Variants in MAGI2 observed in about 807,000 individuals in gnomAD.
MAGI2 encodes the protein membrane-associated guanylate kinase, WW and PDZ domain-containing protein 2.
In MAGI2, 35 loss-of-function variants were observed where a neutral mutation model predicts 133.3. That is an observed-to-expected ratio of 0.26 (90% CI 0.20 to 0.35). MAGI2 has a LOEUF of 0.35. Among genes scored for constraint, MAGI2 ranks in the 10% least tolerant of loss-of-function variants. MAGI2 has a pLI of 1.00. For synonymous variants in MAGI2, 729 were observed against 710.6 expected (o/e 1.03, Z -0.41); for missense variants, 1,636 against 1,863.4 (o/e 0.88, Z 2.25).
intron 20 of MAGI2, among the ~76,000 whole-genome samples, chr7:78,087,417 A>G (rs1816754679): frequency 6.6e-6 from 1 of 152,228 alleles, no homozygotes; most frequent in African/African-American, 2.4e-5. Context: ...TGTAATCTCT[A>G]AATATACAAA....
rs544655465 is a variant in MAGI2, at chr7:78,536,103, C to CTTTTTTTTTTTTTT, written c.539-14472_539-14459dup. The stretch of plus-strand genomic sequence containing the variant: ...TACAGCTGGCTCTGTATGAATTAAA[C>CTTTTTTTTTTTTTT]TTTTTTTTTTTTTTTTTTTTTTTTT... On this transcript the variant is annotated intron_variant, in intron 3 of 21. Transcript: ENST00000354212. Among the ~76,000 whole-genome samples the CTTTTTTTTTTTTTT allele has an allele frequency of 1.2e-4, 7 of 59,938 alleles. 2 individuals carry two copies. The highest frequency in any genetic ancestry group is 3.0e-4 in the African/African-American group (4 of 13,224). 39.3% of individuals were successfully genotyped at this position (59,938 alleles called of 152,430 possible). A position where few individuals can be genotyped will look rare whatever the true frequency, so the allele number is the denominator to read the frequency against.
chr7:79,388,942 T>C (rs750174589), intron 1 of MAGI2, among the ~76,000 whole-genome samples: 20 of 151,818 alleles, frequency 1.3e-4, no homozygotes, highest in Non-Finnish European at 2.8e-4. Flanking sequence ...AAAATAAGTA[T>C]ATAACCTTTC....
intron 10 of MAGI2, among the ~76,000 whole-genome samples, chr7:78,224,642 G>A (rs1789176220): frequency 8.6e-5 from 13 of 151,934 alleles, no homozygotes; most frequent in Admixed American, 8.5e-4. Flanking sequence ...TTCCAGCCTG[G>A]GCAACAGAGT....
At chr7:78,570,029 A>C (rs1407500109) in intron 3 of MAGI2, among the ~76,000 whole-genome samples, 1 of 152,096 alleles carries the variant, frequency 6.6e-6, no homozygotes, top group African/African-American at 2.4e-5. Context: ...CACTGTTTTT[A>C]ATTCTTTTGT....
intron 13 of MAGI2, among the ~76,000 whole-genome samples, chr7:78,185,094 A>G (rs1827559768): frequency 6.6e-6 from 1 of 152,234 alleles, no homozygotes. Flanking sequence ...CACATTTTAG[A>G]AAACAAAACA....
Position 78,135,140 on chromosome 7 carries a change from A to T in MAGI2, c.2912T>A (p.Val971Glu). Residue 971 changes from valine to glutamate, a missense_variant, in exon 17 of 22, where the codon GTG becomes GAG. Physicochemically the swap from Val to Glu is moderately radical, Grantham distance 121 (BLOSUM62 -2). Transcript: ENST00000354212. ...SPADRCAKLK[V>E]GDRILAVNGQ... ...ATTCACTGCTAGGATCCGGTCTCCC[A>T]CTTTTAGTTTTGCACAGCGATCTGC... 6.2e-7 allele frequency: 1 copy of T among 1,614,118 alleles called. No individual in the cohort carries two copies. Among genetic ancestry groups the T allele is most frequent in the Non-Finnish European group, 8.5e-7 (1 of 1,180,020 alleles).
chr7:79,150,249 A>G (rs1823064301), intron 1 of MAGI2, among the ~76,000 whole-genome samples: 1 of 99,118 alleles, frequency 1.0e-5, no homozygotes. Context: ...AAAATGGTAA[A>G]TTTACGGTTA....
At chr7:79,291,908 T>A (rs111677454) in intron 1 of MAGI2, among the ~76,000 whole-genome samples, 5,551 of 152,296 alleles carry the variant, frequency 0.036, 170 homozygotes, top group Non-Finnish European at 0.051. Context: ...CAATTTTTTT[T>A]AATTTGATGA....
chr7:78,841,828 A>G (rs183838057), intron 2 of MAGI2, among the ~76,000 whole-genome samples: 169 of 151,978 alleles, frequency 1.1e-3, no homozygotes, highest in African/African-American at 3.7e-3. Context: ...TCCATCCTTT[A>G]GGTCACAGCT....
intron 2 of MAGI2, among the ~76,000 whole-genome samples, chr7:78,688,016 A>G (rs962989483): frequency 1.3e-5 from 2 of 151,038 alleles, no homozygotes; most frequent in African/African-American, 4.9e-5. Context: ...AAAGAAAAGA[A>G]AAAAAGCAAA....
At chr7:79,056,024 G>A (rs1343168277) in intron 1 of MAGI2, among the ~76,000 whole-genome samples, 1 of 152,128 alleles carries the variant, frequency 6.6e-6, no homozygotes, top group Non-Finnish European at 1.5e-5. Context: ...GAGAGAAAAG[G>A]CCCCAGTAAG....
chr7:78,110,072 A>C (rs1002909355), intron 20 of MAGI2, among the ~76,000 whole-genome samples: 3 of 152,116 alleles, frequency 2.0e-5, no homozygotes, highest in African/African-American at 7.2e-5. Context: ...CCTGTTCTCC[A>C]ATTCCTAATT....
chr7:78,974,112 A>G (rs1051499699), intron 2 of MAGI2, among the ~76,000 whole-genome samples: 1 of 151,766 alleles, frequency 6.6e-6, no homozygotes, highest in Non-Finnish European at 1.5e-5. Context: ...TGAATTCTAC[A>G]TGTGTTTTTT....
chr7:78,962,269 T>A (rs1231779099), intron 2 of MAGI2, among the ~76,000 whole-genome samples: 2 of 152,100 alleles, frequency 1.3e-5, no homozygotes. Context: ...AAATGTGACA[T>A]GCTAGAAACA....
chr7:79,136,146 A>G (rs1821554075), intron 1 of MAGI2, among the ~76,000 whole-genome samples: 1 of 152,086 alleles, frequency 6.6e-6, no homozygotes, highest in Non-Finnish European at 1.5e-5. Context: ...AAGGCACTGT[A>G]TACAGTCTTA....
intron 6 of MAGI2, among the ~76,000 whole-genome samples, chr7:78,414,755 G>A (rs1798153880): frequency 1.3e-5 from 2 of 151,974 alleles, no homozygotes; most frequent in Admixed American, 1.3e-4. Context: ...TGCCTCCTGG[G>A]TTTGGTGAAA....
At chr7:78,033,472 C>A (rs377270667) in intron 21 of MAGI2, among the ~76,000 whole-genome samples, 95 of 132,328 alleles carry the variant, frequency 7.2e-4, no homozygotes, top group African/African-American at 1.1e-3. Flanking sequence ...GAGCTTGTCT[C>A]AAAAAAAAAA....
At chr7:79,418,884 C>T (rs1416556088) in intron 1 of MAGI2, among the ~76,000 whole-genome samples, 2 of 88,686 alleles carry the variant, frequency 2.3e-5, no homozygotes, top group Non-Finnish European at 4.0e-5. Context: ...CACACACACA[C>T]ACATTTGTCA....
chr7:79,203,280 G>C (rs1399322387), intron 1 of MAGI2, among the ~76,000 whole-genome samples: 2 of 151,976 alleles, frequency 1.3e-5, no homozygotes, highest in African/African-American at 4.8e-5. Context: ...AACAAATAGA[G>C]TGATCTTTTC....
Sources: gnomAD v4.1 joint callset for allele counts (sites outside exome capture counted in the v4.1 genomes callset) on GRCh38, gnomAD v4.1.1 for gene constraint, MANE v1.5 for transcripts, NCBI Gene and HGNC (gene_info 2026-07-23, HGNC 2026-07-21) for gene names.